The following NRG1 variants were observed in gnomAD, a reference collection of about 807,000 sequenced individuals.
NRG1 encodes the protein neuregulin 1.
NRG1 carries 18 observed loss-of-function variants against 63.8 expected under a neutral mutation model. The ratio of observed to expected loss-of-function variants is 0.28; its 90% confidence interval spans 0.19 to 0.42. The LOEUF (loss-of-function observed/expected upper bound fraction) is 0.42. Among genes scored for constraint, NRG1 ranks in the 10% least tolerant of loss-of-function variants. The pLI is 1.00. For missense variants in NRG1, 762 were observed against 814.7 expected (o/e 0.94, Z 0.79); for synonymous variants, 302 against 301.3 (o/e 1.00, Z -0.02).
At chr8:32,511,400 A>ATAT (rs1554567530) in intron 1 of NRG1, among the ~76,000 whole-genome samples, 34 of 108,556 alleles carry the variant, frequency 3.1e-4, no homozygotes, top group African/African-American at 9.4e-4. Flanking sequence ...TATATATATA[A>ATAT]ATAAAATAAA....
intron 1 of NRG1, among the ~76,000 whole-genome samples, chr8:31,873,356 C>T (rs1402050723): frequency 3.9e-5 from 6 of 152,042 alleles, no homozygotes; most frequent in African/African-American, 9.7e-5. Context: ...GTCAGGAGTT[C>T]GAGACCAGCC....
At chr8:32,566,868 G>C (rs1837549718) in intron 1 of NRG1, among the ~76,000 whole-genome samples, 1 of 142,222 alleles carries the variant, frequency 7.0e-6, no homozygotes, top group South Asian at 2.3e-4. Context: ...GTTTTGTTTT[G>C]TTTGAGACAT....
chr8:32,648,449 A>C (rs1854195614), intron 5 of NRG1: 1 of 1,548,184 alleles, frequency 6.5e-7, no homozygotes, highest in African/African-American at 1.4e-5. Flanking sequence ...TGAGGTCCCC[A>C]AAGGACATTT....
At chr8:31,923,262 A>G (rs1834062767) in intron 1 of NRG1, among the ~76,000 whole-genome samples, 1 of 152,166 alleles carries the variant, frequency 6.6e-6, no homozygotes, top group African/African-American at 2.4e-5. Flanking sequence ...TATTAAAATA[A>G]TTGTATAGGT....
chr8:32,015,269 G>T (rs1201051020), intron 1 of NRG1, among the ~76,000 whole-genome samples: 2 of 152,082 alleles, frequency 1.3e-5, no homozygotes. Context: ...TAGTGTAGTA[G>T]CCATGGTGTA....
intron 1 of NRG1, among the ~76,000 whole-genome samples, chr8:32,417,021 T>A (rs1343064858): frequency 1.3e-5 from 2 of 152,126 alleles, no homozygotes; most frequent in African/African-American, 4.8e-5. Flanking sequence ...TGAATTTGAA[T>A]ATCCTGGTGA....
At chr8:32,232,639 G>C (rs982235831) in intron 1 of NRG1, among the ~76,000 whole-genome samples, 2 of 152,096 alleles carry the variant, frequency 1.3e-5, no homozygotes, top group Non-Finnish European at 2.9e-5. Context: ...CATTTCAGAC[G>C]ATTTTTGCTG....
chr8:32,704,134 A>C (rs1815701248), intron 5 of NRG1, among the ~76,000 whole-genome samples: 1 of 152,210 alleles, frequency 6.6e-6, no homozygotes, highest in Non-Finnish European at 1.5e-5. Flanking sequence ...TGATATATGC[A>C]AGGTGTGTTA....
intron 6 of NRG1, among the ~76,000 whole-genome samples, chr8:32,740,277 C>G (rs955792593): frequency 7.1e-6 from 1 of 140,168 alleles, no homozygotes; most frequent in Non-Finnish European, 1.5e-5. Context: ...CTTACTGCAA[C>G]CTCTGCCTCC....
intron 1 of NRG1, among the ~76,000 whole-genome samples, chr8:32,293,718 C>CTTTTT (rs770993591): frequency 4.4e-4 from 48 of 108,236 alleles, no homozygotes; most frequent in African/African-American, 6.0e-4. Flanking sequence ...TTTTCTTCTT[C>CTTTTT]TTTTTTTTTT....
upstream of NRG1, among the ~76,000 whole-genome samples, chr8:32,545,707 C>T (rs537859201): frequency 2.4e-4 from 37 of 152,012 alleles, no homozygotes; most frequent in Non-Finnish European, 5.0e-4. Flanking sequence ...TGTAATAAAA[C>T]CCCTTAAAAT....
At chr8:32,299,676 T>C (rs2029219) in intron 1 of NRG1, among the ~76,000 whole-genome samples, 1 of 151,960 alleles carries the variant, frequency 6.6e-6, no homozygotes, top group East Asian at 1.9e-4. Context: ...GGCCTCACAA[T>C]TATGGTAGAA....
intron 5 of NRG1, among the ~76,000 whole-genome samples, chr8:32,649,159 CTT>C (rs35558760): frequency 0.096 from 11,770 of 123,078 alleles, 388 homozygotes; most frequent in South Asian, 0.12. Flanking sequence ...TGAGGTACAT[CTT>C]TTTTTTTTTT....
At chr8:32,728,711 AT>A in intron 6 of NRG1, 1 of 931,034 alleles carries the variant, frequency 1.1e-6, no homozygotes, top group Non-Finnish European at 1.3e-6. Flanking sequence ...TTGTCTATAG[AT>A]ATATCTAGAA....
At chr8:32,336,880 G>T (rs1803337867) in intron 1 of NRG1, among the ~76,000 whole-genome samples, 1 of 152,044 alleles carries the variant, frequency 6.6e-6, no homozygotes, top group Non-Finnish European at 1.5e-5. Context: ...AAAGTGCTGG[G>T]ATTACAGGCA....
At chr8:32,522,045 G>T (rs1332201724) in intron 1 of NRG1, among the ~76,000 whole-genome samples, 1 of 152,078 alleles carries the variant, frequency 6.6e-6, no homozygotes, top group East Asian at 1.9e-4. Flanking sequence ...TCGGCTTTTC[G>T]GCGACAAATC....
intron 1 of NRG1, among the ~76,000 whole-genome samples, chr8:32,115,124 G>A (rs1040439202): frequency 9.9e-5 from 15 of 151,692 alleles, no homozygotes; most frequent in African/African-American, 3.2e-4. Flanking sequence ...TTTGCCTCCC[G>A]GGTTAAAGAG....
intron 1 of NRG1, among the ~76,000 whole-genome samples, chr8:31,950,472 C>T (rs1803299601): frequency 6.6e-6 from 1 of 152,208 alleles, no homozygotes; most frequent in Non-Finnish European, 1.5e-5. Flanking sequence ...AGCCATTTCT[C>T]TCCAGACACT....
intron 1 of NRG1, among the ~76,000 whole-genome samples, chr8:32,263,797 G>T (rs1850634620): frequency 1.3e-5 from 2 of 152,142 alleles, no homozygotes; most frequent in African/African-American, 4.8e-5. Flanking sequence ...TTCGTCATCA[G>T]TGTAGAAATC....
Sources: allele counts gnomAD v4.1 joint callset (sites outside exome capture counted in the v4.1 genomes callset), GRCh38; gene constraint gnomAD v4.1.1; transcripts MANE v1.5; gene names NCBI Gene and HGNC (gene_info 2026-07-23, HGNC 2026-07-21).